RNF13: variants seen among roughly 807,000 people sequenced by gnomAD.
RNF13 encodes ring finger protein 13, also known as E3 ubiquitin-protein ligase RNF13.
In RNF13, 19 loss-of-function variants were observed where a neutral mutation model predicts 37.7. The observed-to-expected ratio is 0.50, with a 90% CI of 0.35 to 0.74. The LOEUF is 0.74. Ranked by LOEUF, RNF13 falls within the 30% of genes least tolerant of loss-of-function variation. RNF13 has a pLI of 0.01. For synonymous variants in RNF13, 144 were observed against 157.8 expected (o/e 0.91, Z 0.65); for missense variants, 375 against 453.0 (o/e 0.83, Z 1.56).
At chr3:149,872,235 G>A in intron 4 of RNF13, 81 bp downstream of exon 4, 5 of 896,062 alleles carry the variant, frequency 5.6e-6, no homozygotes, top group Non-Finnish European at 4.8e-6. Context: ...CCTTGTTTCA[G>A]AAAACATTTA....
intron 3 of RNF13, among the ~76,000 whole-genome samples, chr3:149,870,840 G>C (rs988663272): frequency 2.6e-5 from 4 of 151,720 alleles, no homozygotes; most frequent in African/African-American, 9.7e-5. Flanking sequence ...AGGAGAAATT[G>C]CCAAATCCTG....
chr3:149,868,650 T>C (rs1711617038), intron 3 of RNF13, among the ~76,000 whole-genome samples: 1 of 151,212 alleles, frequency 6.6e-6, no homozygotes, highest in Non-Finnish European at 1.5e-5. Context: ...TTTCTCTCTC[T>C]CTCTTTCTCT....
intron 1 of RNF13, among the ~76,000 whole-genome samples, chr3:149,820,155 G>A (rs1045710228): frequency 1.3e-5 from 2 of 152,138 alleles, no homozygotes; most frequent in Non-Finnish European, 2.9e-5. Flanking sequence ...TAAGGAGTTA[G>A]AAATACGTTG....
chr3:149,882,993 C>G (rs1243953137), intron 4 of RNF13, among the ~76,000 whole-genome samples: 2 of 152,060 alleles, frequency 1.3e-5, no homozygotes, highest in African/African-American at 4.8e-5. Flanking sequence ...AAAATAAGCC[C>G]CATATTTTAT....
chr3:149,899,365 C>T (rs1325562079), intron 5 of RNF13, among the ~76,000 whole-genome samples: 1 of 152,174 alleles, frequency 6.6e-6, no homozygotes, highest in Non-Finnish European at 1.5e-5. Flanking sequence ...ACAAGAATCA[C>T]TTGAACCTGG....
intron 1 of RNF13, among the ~76,000 whole-genome samples, chr3:149,815,232 A>G (rs563627700): frequency 3.3e-4 from 50 of 152,320 alleles, no homozygotes; most frequent in South Asian, 1.2e-3. Context: ...GCCTGAGGGT[A>G]TGACTAAAGG....
intron 7 of RNF13, among the ~76,000 whole-genome samples, chr3:149,916,465 G>A (rs1717519948): frequency 1.3e-5 from 2 of 152,082 alleles, no homozygotes; most frequent in Admixed American, 1.3e-4. Flanking sequence ...CACCGTTCAA[G>A]GGTCTGCAGA....
chr3:149,898,333 T>C (rs1213048019), intron 5 of RNF13, among the ~76,000 whole-genome samples: 3 of 152,128 alleles, frequency 2.0e-5, no homozygotes, highest in Non-Finnish European at 2.9e-5. Context: ...ATTTCTTTCT[T>C]CAACAAATGC....
At chr3:149,897,053 A>G (rs536797157) in intron 5 of RNF13, among the ~76,000 whole-genome samples, 2 of 152,234 alleles carry the variant, frequency 1.3e-5, no homozygotes, top group South Asian at 2.1e-4. Flanking sequence ...CCAATTTGAC[A>G]CATTTTACTT....
chr3:149,857,390 A>G (rs1378835343), intron 3 of RNF13, among the ~76,000 whole-genome samples: 2 of 152,218 alleles, frequency 1.3e-5, no homozygotes, highest in Non-Finnish European at 2.9e-5. Context: ...GGATTAAAAT[A>G]TGGCACATCA....
At chr3:149,898,481 G>C (rs1027254953) in intron 5 of RNF13, among the ~76,000 whole-genome samples, 8 of 152,102 alleles carry the variant, frequency 5.3e-5, no homozygotes, top group Admixed American at 2.0e-4. Flanking sequence ...GGTACTGCTT[G>C]TTAGGGTTTG....
Position 149,858,420 on chromosome 3 carries a change from A to G in RNF13, c.195+5824A>G, listed in dbSNP as rs187202042. Among the ~76,000 whole-genome samples the G allele has an allele frequency of 3.9e-5, 6 of 152,328 alleles. No homozygotes were observed. The East Asian group carries it at 5.8e-4, about 15-fold the overall frequency. ...AAGCTTCTCCAGATTTCTTGTTTCT[A>G]TATTTTTAGGAAGTGCCTTGATAGG... On this transcript the variant is annotated intron_variant, in intron 3 of 9. Transcript: ENST00000392894.
intron 5 of RNF13, among the ~76,000 whole-genome samples, chr3:149,898,054 G>A (rs1192771136): frequency 2.6e-5 from 4 of 152,106 alleles, no homozygotes; most frequent in Admixed American, 1.3e-4. Flanking sequence ...AGATACCTGC[G>A]CCCTCAGGAA....
chr3:149,885,843 T>G (rs1437683933), intron 4 of RNF13, among the ~76,000 whole-genome samples: 1 of 152,222 alleles, frequency 6.6e-6, no homozygotes, highest in East Asian at 1.9e-4. Context: ...AATGTTTTCT[T>G]GTAGTAATTT....
At chr3:149,844,877 T>G (rs1490520105) in intron 1 of RNF13, among the ~76,000 whole-genome samples, 1 of 152,102 alleles carries the variant, frequency 6.6e-6, no homozygotes, top group Non-Finnish European at 1.5e-5. Context: ...GAGTCTAATT[T>G]TAGAACATTT....
At chr3:149,892,922 C>G (rs1206212703) in intron 4 of RNF13, among the ~76,000 whole-genome samples, 1 of 152,024 alleles carries the variant, frequency 6.6e-6, no homozygotes, top group African/African-American at 2.4e-5. Context: ...AAGCAGGGAG[C>G]AATTAATATA....
At chr3:149,834,846 C>T (rs1168509217) in intron 1 of RNF13, among the ~76,000 whole-genome samples, 2 of 152,130 alleles carry the variant, frequency 1.3e-5, no homozygotes, top group Admixed American at 6.6e-5. Flanking sequence ...TTATAAATTA[C>T]CCAGCTTCAG....
chr3:149,858,527 G>T (rs1232797740), intron 3 of RNF13, among the ~76,000 whole-genome samples: 1 of 152,166 alleles, frequency 6.6e-6, no homozygotes, highest in African/African-American at 2.4e-5. Context: ...CCAAGTGTCA[G>T]ATTACCTGAG....
At chr3:149,889,071 T>C (rs1219910374) in intron 4 of RNF13, among the ~76,000 whole-genome samples, 1 of 151,660 alleles carries the variant, frequency 6.6e-6, no homozygotes, top group African/African-American at 2.4e-5. Context: ...CCCGAGTAGC[T>C]GGGACTACAG....
Sources: gnomAD v4.1 joint callset for allele counts (sites outside exome capture counted in the v4.1 genomes callset) on GRCh38, gnomAD v4.1.1 for gene constraint, MANE v1.5 for transcripts, NCBI Gene and HGNC (gene_info 2026-07-23, HGNC 2026-07-21) for gene names.